The following C1orf21 variants were observed in gnomAD, a reference collection of about 807,000 sequenced individuals.
C1orf21 encodes the protein uncharacterized protein C1orf21.
Under a neutral mutation model 18.7 loss-of-function variants are expected in C1orf21, and 3 were observed. That is an observed-to-expected ratio of 0.16 (90% CI 0.07 to 0.42). The LOEUF (loss-of-function observed/expected upper bound fraction) is 0.42, where lower values mean the gene tolerates loss of function less well. Ranked by LOEUF, C1orf21 falls within the 10% of genes least tolerant of loss-of-function variation. The pLI, the probability that C1orf21 is intolerant of heterozygous loss-of-function variation, is 0.99. For synonymous variants in C1orf21, 41 were observed against 46.4 expected (o/e 0.88, Z 0.47); for missense variants, 104 against 143.6 (o/e 0.72, Z 1.41).
intron 1 of C1orf21, among the ~76,000 whole-genome samples, chr1:184,398,447 G>A (rs1248958969): frequency 1.3e-5 from 2 of 152,116 alleles, no homozygotes; most frequent in Non-Finnish European, 2.9e-5. Context: ...TGTTTTCTCT[G>A]CCCCCTTCCT....
At chr1:184,556,165 G>A (rs1268473114) in intron 3 of C1orf21, among the ~76,000 whole-genome samples, 4 of 152,000 alleles carry the variant, frequency 2.6e-5, no homozygotes, top group Non-Finnish European at 5.9e-5. Context: ...GGTTTTATTT[G>A]GCTTCTTGGC....
chr1:184,554,189 T>C (rs944180934), intron 3 of C1orf21, among the ~76,000 whole-genome samples: 4 of 152,208 alleles, frequency 2.6e-5, no homozygotes, highest in Admixed American at 6.5e-5. Flanking sequence ...TGTGATGTCT[T>C]TTTCTTCTTG....
chr1:184,413,775 G>A (rs1428024318), intron 1 of C1orf21, among the ~76,000 whole-genome samples: 2 of 152,136 alleles, frequency 1.3e-5, no homozygotes, highest in Non-Finnish European at 2.9e-5. Flanking sequence ...GTCCCTGTGT[G>A]GTGGGGTTAT....
At chr1:184,545,235 A>G (rs1571408195) in intron 3 of C1orf21, among the ~76,000 whole-genome samples, 2 of 152,302 alleles carry the variant, frequency 1.3e-5, no homozygotes, top group Non-Finnish European at 2.9e-5. Flanking sequence ...GACCCTCTTT[A>G]TGCTAAAGAA....
At chr1:184,601,678 G>A (rs61825243) in intron 5 of C1orf21, among the ~76,000 whole-genome samples, 43,741 of 152,028 alleles carry the variant, frequency 0.29, 8,004 homozygotes, top group African/African-American at 0.52. Context: ...CAAGGTGGGC[G>A]GATCATGAGG....
At chr1:184,448,267 A>G (rs909375448) in intron 1 of C1orf21, among the ~76,000 whole-genome samples, 1 of 152,064 alleles carries the variant, frequency 6.6e-6, no homozygotes, top group African/African-American at 2.4e-5. Context: ...TATTTTTAGT[A>G]GAGATAGGGT....
chr1:184,526,827 C>T (rs911298462), intron 3 of C1orf21, among the ~76,000 whole-genome samples: 8 of 152,124 alleles, frequency 5.3e-5, no homozygotes, highest in Non-Finnish European at 4.4e-5. Context: ...TTCACTCCCT[C>T]AACAAGTATT....
chr1:184,466,119 T>C (rs923781240), intron 1 of C1orf21, among the ~76,000 whole-genome samples: 3 of 152,224 alleles, frequency 2.0e-5, no homozygotes, highest in Admixed American at 6.5e-5. Context: ...TATTTTGGAA[T>C]AGGCTACAAT....
intron 1 of C1orf21, among the ~76,000 whole-genome samples, chr1:184,445,016 T>C (rs1243610337): frequency 6.6e-6 from 1 of 152,210 alleles, no homozygotes; most frequent in Non-Finnish European, 1.5e-5. Context: ...TGATGCAATA[T>C]GGGAAAATAG....
At chr1:184,530,992 G>T (rs187780294) in intron 3 of C1orf21, among the ~76,000 whole-genome samples, 3 of 152,196 alleles carry the variant, frequency 2.0e-5, no homozygotes, top group African/African-American at 7.2e-5. Flanking sequence ...CAAGTCCCCA[G>T]TCCCTATACT....
chr1:184,530,120 T>C (rs940255696), intron 3 of C1orf21, among the ~76,000 whole-genome samples: 15 of 152,204 alleles, frequency 9.9e-5, no homozygotes, highest in African/African-American at 3.6e-4. Flanking sequence ...GCTTTAGTTA[T>C]TAGTAATCTA....
chr1:184,592,331 A>G (rs149582297), intron 4 of C1orf21: 15 of 152,374 alleles, frequency 9.8e-5, no homozygotes, highest in African/African-American at 3.6e-4. Context: ...TCCCACTTAC[A>G]GTAGAAACTT....
chr1:184,420,448 G>A (rs935971342), intron 1 of C1orf21, among the ~76,000 whole-genome samples: 16 of 152,136 alleles, frequency 1.1e-4, no homozygotes, highest in African/African-American at 3.6e-4. Flanking sequence ...AAGAAGTTAT[G>A]GGACCAAAAT....
At chr1:184,481,581 C>A (rs985907439) in intron 2 of C1orf21, among the ~76,000 whole-genome samples, 1 of 152,100 alleles carries the variant, frequency 6.6e-6, no homozygotes, top group Non-Finnish European at 1.5e-5. Context: ...TACCCCAAGC[C>A]CACCTGGTCA....
chr1:184,601,890 G>T (rs1037333827), intron 5 of C1orf21, among the ~76,000 whole-genome samples: 1 of 150,930 alleles, frequency 6.6e-6, no homozygotes, highest in African/African-American at 2.4e-5. Context: ...GACACAGCAA[G>T]ACTCCATCTC....
chr1:184,494,244 G>A (rs1323712476), intron 2 of C1orf21, among the ~76,000 whole-genome samples: 3 of 152,202 alleles, frequency 2.0e-5, no homozygotes, highest in African/African-American at 7.2e-5. Flanking sequence ...CTGAGAGGGA[G>A]CTGGCTAGTG....
intron 3 of C1orf21, among the ~76,000 whole-genome samples, chr1:184,574,729 A>C (rs1659162195): frequency 6.6e-6 from 1 of 152,222 alleles, no homozygotes; most frequent in Non-Finnish European, 1.5e-5. Flanking sequence ...GAATGTGCTT[A>C]TTATATCTTT....
chr1:184,577,804 C>T (rs1659214456), intron 3 of C1orf21, among the ~76,000 whole-genome samples: 1 of 152,078 alleles, frequency 6.6e-6, no homozygotes. Flanking sequence ...ATGGATGATA[C>T]ATTTCTTTGT....
At chr1:184,553,388 T>A (rs1017924607) in intron 3 of C1orf21, among the ~76,000 whole-genome samples, 7 of 152,236 alleles carry the variant, frequency 4.6e-5, no homozygotes, top group Admixed American at 1.3e-4. Context: ...TATTTTTCTT[T>A]TTAACCTACA....
Sources: gnomAD v4.1 joint callset for allele counts (sites outside exome capture counted in the v4.1 genomes callset) on GRCh38, gnomAD v4.1.1 for gene constraint, MANE v1.5 for transcripts, NCBI Gene and HGNC (gene_info 2026-07-23, HGNC 2026-07-21) for gene names.